TRABD2A: variants seen among roughly 807,000 people sequenced by gnomAD.
TRABD2A encodes the protein TraB domain containing 2A.
TRABD2A carries 43 observed loss-of-function variants against 45.6 expected under a neutral mutation model. The observed-to-expected ratio is 0.94, with a 90% CI of 0.74 to 1.22. TRABD2A has a LOEUF of 1.22. Ranked by LOEUF, TRABD2A falls within the 50% of genes most tolerant of loss-of-function variation. TRABD2A has a pLI of 0.00. For missense variants in TRABD2A, 642 were observed against 652.4 expected (o/e 0.98, Z 0.17); for synonymous variants, 269 against 265.0 (o/e 1.02, Z -0.15).
chr2:84,864,961 C>T (rs1255739434), intron 2 of TRABD2A, among the ~76,000 whole-genome samples: 2 of 152,180 alleles, frequency 1.3e-5, no homozygotes, highest in African/African-American at 4.8e-5. Flanking sequence ...GAGGTGGCAT[C>T]CTTCTAGGAA....
chr2:84,832,396 A>T, intron 4 of TRABD2A: 1 of 507,192 alleles, frequency 2.0e-6, no homozygotes, highest in Admixed American at 3.2e-5. Flanking sequence ...ACCTGAAGTC[A>T]CAAAGCTAAG....
chr2:84,876,850 G>A (rs552964833), intron 1 of TRABD2A, among the ~76,000 whole-genome samples: 5 of 152,096 alleles, frequency 3.3e-5, no homozygotes, highest in Non-Finnish European at 7.4e-5. Context: ...TACATCCTCA[G>A]GTGCCACCTT....
At chr2:84,847,166 A>C (rs1559090207) in intron 2 of TRABD2A, among the ~76,000 whole-genome samples, 1 of 152,216 alleles carries the variant, frequency 6.6e-6, no homozygotes, top group African/African-American at 2.4e-5. Flanking sequence ...GGAAATCTCC[A>C]TGGGCACCAC....
At chr2:84,880,186 A>C (rs1309857626) in intron 1 of TRABD2A, among the ~76,000 whole-genome samples, 1 of 152,156 alleles carries the variant, frequency 6.6e-6, no homozygotes, top group Non-Finnish European at 1.5e-5. Context: ...AGAGAAGGAA[A>C]TATTCATCTC....
chr2:84,841,990 G>A lies in TRABD2A; in HGVS notation c.687C>T (p.Asn229=), dbSNP rs1664790919. The A allele has an allele frequency of 2.6e-6, 4 of 1,522,364 alleles. No individual in the cohort carries two copies. The South Asian group carries it at 5.0e-5, about 19-fold the overall frequency. The allele number at this position is 1,522,364 out of a possible 1,614,324, so 94.3% of individuals were successfully genotyped here. A position where few individuals can be genotyped will look rare whatever the true frequency, so the allele number is the denominator to read the frequency against. Residue 229 remains asparagine (N), a synonymous_variant, in exon 3 of 7, where the codon AAC becomes AAT. Transcript: ENST00000409520. ...LNFSQVIFAL[N]QTLLQQESLR... is the part of the protein sequence containing the mutation. ...GGCTTTCCTGCTGCAGGAGGGTCTGGTTCAAAGCAAAGATGACCTAAAAGA... is the reference window on the plus strand; with the variant it reads ...GGCTTTCCTGCTGCAGGAGGGTCTGATTCAAAGCAAAGATGACCTAAAAGA...
intron 5 of TRABD2A, among the ~76,000 whole-genome samples, chr2:84,826,062 A>G (rs1470581113): frequency 3.3e-5 from 5 of 152,146 alleles, no homozygotes; most frequent in African/African-American, 1.2e-4. Context: ...AGGTAGCTCC[A>G]TGCCCATCAA....
At chr2:84,868,831 G>A (rs192677932) in intron 2 of TRABD2A, among the ~76,000 whole-genome samples, 6 of 152,244 alleles carry the variant, frequency 3.9e-5, no homozygotes, top group South Asian at 2.1e-4. Context: ...AATTCATTCC[G>A]TCAAAATCAA....
At chr2:84,865,910 T>C (rs977290692) in intron 2 of TRABD2A, among the ~76,000 whole-genome samples, 2 of 152,176 alleles carry the variant, frequency 1.3e-5, no homozygotes, top group Non-Finnish European at 2.9e-5. Context: ...TGTGCTTCCT[T>C]CACATAGGGA....
At chr2:84,841,082 C>T (rs1290597077) in intron 3 of TRABD2A, among the ~76,000 whole-genome samples, 2 of 152,218 alleles carry the variant, frequency 1.3e-5, no homozygotes, top group Admixed American at 1.3e-4. Flanking sequence ...TGCATGTGGA[C>T]ACCAGTCCTG....
At chr2:84,829,718 C>G (rs1681267302) in intron 5 of TRABD2A, among the ~76,000 whole-genome samples, 1 of 150,922 alleles carries the variant, frequency 6.6e-6, no homozygotes, top group African/African-American at 2.4e-5. Flanking sequence ...ATGCACCACA[C>G]ACATGCACAG....
chr2:84,822,240 C>T (rs1681023839), intron 6 of TRABD2A, 140 bp from the exon 7 acceptor site: 1 of 658,196 alleles, frequency 1.5e-6, no homozygotes, highest in Non-Finnish European at 2.3e-6. Context: ...TAATAGGCTT[C>T]CTATATCTCT....
chr2:84,822,362 TAGTGAAAGTCTTCGTATAA>T (rs1160166028), intron 6 of TRABD2A, among the ~76,000 whole-genome samples: 1 of 152,204 alleles, frequency 6.6e-6, no homozygotes, highest in Non-Finnish European at 1.5e-5. Context: ...ATTCAAAGAT[TAGTGAAAGTCTTCGTATAA>T]GGCCGAATTC....
In TRABD2A at chr2:84,822,033, G is replaced by T; in HGVS notation, c.1402C>A (p.Arg468Ser). The T allele has an allele frequency of 6.3e-7, 1 of 1,592,606 alleles. No homozygotes were observed. The highest frequency in any genetic ancestry group is 2.3e-5 in the East Asian group (1 of 43,946). ...RHISTELRLP[R>S]RGHSHHSQMV... ...TGGCTGTGGTGGGAATGCCCACGGC[G>T]AGGGAGCCGCAGTTCAGTGGAGATG... Residue 468 changes from arginine to serine, a missense_variant, in exon 7 of 7, where the codon CGC (arginine) becomes AGC (serine). Transcript: ENST00000409520.
chr2:84,877,915 G>T lies in TRABD2A; in HGVS notation c.108+3017C>A, dbSNP rs1376839533. ...TTCAACAAATATTTTTTGAGCATCT[G>T]CTATGGCAAGGCACTCTTCTGGATA... On this transcript the variant is annotated intron_variant, in intron 1 of 6. Coordinates refer to ENST00000409520, the MANE Select transcript of TRABD2A (RefSeq NM_001277053.2). Among the ~76,000 whole-genome samples, 3 of 152,168 alleles carry T rather than the reference G, an allele frequency of 2.0e-5. No homozygotes were observed. The South Asian group carries it at 6.2e-4, about 32-fold the overall frequency.
chr2:84,866,536 C>A (rs2105404878), intron 2 of TRABD2A, among the ~76,000 whole-genome samples: 1 of 152,210 alleles, frequency 6.6e-6, no homozygotes, highest in African/African-American at 2.4e-5. Flanking sequence ...AAAACAATTT[C>A]CCTTTGCAAA....
At chr2:84,872,787 T>C (rs371702946) in intron 1 of TRABD2A, among the ~76,000 whole-genome samples, 2 of 152,332 alleles carry the variant, frequency 1.3e-5, no homozygotes, top group African/African-American at 2.4e-5. Flanking sequence ...AATTGATCAA[T>C]ACATAGCCTT....
At chr2:84,867,679 C>G (rs1189322866) in intron 2 of TRABD2A, among the ~76,000 whole-genome samples, 1 of 152,200 alleles carries the variant, frequency 6.6e-6, no homozygotes, top group African/African-American at 2.4e-5. Flanking sequence ...TTTTTGCAAT[C>G]TACTTATCTG....
intron 6 of TRABD2A, among the ~76,000 whole-genome samples, chr2:84,823,356 T>C (rs949003476): frequency 1.3e-4 from 20 of 152,060 alleles, no homozygotes; most frequent in African/African-American, 4.8e-4. Context: ...CCCACACACA[T>C]AGCATCCGAC....
chr2:84,870,376 T>C lies in TRABD2A; in HGVS notation c.518A>G (p.Asn173Ser). ...CTTAATGTCCACTTCAGTCAGGGAG[T>C]TGACCATGAGCATCACCCAGACAGG... ...KRPVWVMLMV[N>S]SLTEVDIKSR... The change falls in exon 2 of 7, where the codon AAC (asparagine) becomes AGC (serine). Residue 173 changes from asparagine (N) to serine (S), a missense_variant. Transcript: ENST00000409520. 8 of 1,613,920 alleles carry C rather than the reference T, an allele frequency of 5.0e-6. No individual in the cohort carries two copies. Among genetic ancestry groups the C allele is most frequent in the Non-Finnish European group, 6.8e-6 (8 of 1,179,866 alleles).
Sources: gnomAD v4.1 joint callset for allele counts (sites outside exome capture counted in the v4.1 genomes callset) on GRCh38, gnomAD v4.1.1 for gene constraint, MANE v1.5 for transcripts, NCBI Gene and HGNC (gene_info 2026-07-23, HGNC 2026-07-21) for gene names.